SEMA3A: variants seen among roughly 807,000 people sequenced by gnomAD.
SEMA3A encodes semaphorin-3A.
SEMA3A carries 29 observed loss-of-function variants against 97.9 expected under a neutral mutation model. The ratio of observed to expected loss-of-function variants is 0.30; its 90% CI spans 0.22 to 0.40. The LOEUF is 0.40. Among genes scored for constraint, SEMA3A ranks in the 10% least tolerant of loss-of-function variants. The pLI, the probability that SEMA3A is intolerant of heterozygous loss-of-function variation, is 1.00. For synonymous variants in SEMA3A, 321 were observed against 323.7 expected (o/e 0.99, Z 0.09); for missense variants, 763 against 951.3 (o/e 0.80, Z 2.60).
intron 1 of SEMA3A, among the ~76,000 whole-genome samples, chr7:84,491,927 A>G (rs962541585): frequency 6.6e-6 from 1 of 151,984 alleles, no homozygotes; most frequent in African/African-American, 2.4e-5. Flanking sequence ...ACAACCTAAT[A>G]CTCTTTTAGA....
chr7:84,445,981 A>T (rs1349300562), intron 1 of SEMA3A, among the ~76,000 whole-genome samples: 1 of 152,136 alleles, frequency 6.6e-6, no homozygotes, highest in Non-Finnish European at 1.5e-5. Flanking sequence ...AAAAAATGAG[A>T]GAAGACTCAA....
intron 3 of SEMA3A, among the ~76,000 whole-genome samples, chr7:84,202,654 A>G (rs1374450381): frequency 1.3e-5 from 2 of 152,152 alleles, no homozygotes. Flanking sequence ...AAAACTGGTA[A>G]CCATTGAAAA....
intron 12 of SEMA3A, among the ~76,000 whole-genome samples, chr7:83,988,453 T>C (rs1789732706): frequency 6.6e-6 from 1 of 152,046 alleles, no homozygotes; most frequent in Admixed American, 6.6e-5. Context: ...ATGGTCTCGA[T>C]CTCCCGACCT....
intron 1 of SEMA3A, among the ~76,000 whole-genome samples, chr7:84,185,110 G>C (rs1797838778): frequency 1.3e-5 from 2 of 152,012 alleles, no homozygotes; most frequent in African/African-American, 4.8e-5. Context: ...AAAAATAACG[G>C]TATATGACTT....
At chr7:84,484,267 A>G (rs1806519502) in intron 1 of SEMA3A, among the ~76,000 whole-genome samples, 1 of 152,166 alleles carries the variant, frequency 6.6e-6, no homozygotes, top group South Asian at 2.1e-4. Context: ...TAGTGTTCTT[A>G]TAGTAGCAGA....
At chr7:84,305,833 G>C (rs1801140444) in intron 3 of SEMA3A, among the ~76,000 whole-genome samples, 2 of 151,766 alleles carry the variant, frequency 1.3e-5, no homozygotes, top group Admixed American at 6.6e-5. Flanking sequence ...ATGCACTCAT[G>C]AAAAATAACA....
At chr7:84,144,844 GA>G (rs1338164048) in intron 1 of SEMA3A, among the ~76,000 whole-genome samples, 1 of 152,044 alleles carries the variant, frequency 6.6e-6, no homozygotes, top group African/African-American at 2.4e-5. Context: ...AATCAAAAGA[GA>G]ACAGATATTA....
chr7:84,136,807 T>G (rs1208675900), intron 1 of SEMA3A, among the ~76,000 whole-genome samples: 1 of 152,044 alleles, frequency 6.6e-6, no homozygotes, highest in Non-Finnish European at 1.5e-5. Flanking sequence ...AGACAAAAAT[T>G]GTTAACAAAT....
intron 2 of SEMA3A, among the ~76,000 whole-genome samples, chr7:84,334,941 C>T (rs890270348): frequency 2.0e-5 from 3 of 151,444 alleles, no homozygotes; most frequent in African/African-American, 7.3e-5. Flanking sequence ...CTCATGCCCT[C>T]AAAAAAACAA....
intron 3 of SEMA3A, among the ~76,000 whole-genome samples, chr7:84,243,097 G>T (rs781506354): frequency 1.3e-5 from 2 of 152,136 alleles, no homozygotes; most frequent in Non-Finnish European, 2.9e-5. Context: ...AGGGATATTG[G>T]CCTGAAATTT....
At chr7:84,227,994 A>T (rs1367103120) in intron 3 of SEMA3A, among the ~76,000 whole-genome samples, 3 of 151,910 alleles carry the variant, frequency 2.0e-5, no homozygotes, top group Non-Finnish European at 2.9e-5. Context: ...TAATGAGATT[A>T]AAAAAATGAT....
At chr7:84,178,597 T>C (rs1247892199) in intron 1 of SEMA3A, among the ~76,000 whole-genome samples, 1 of 152,168 alleles carries the variant, frequency 6.6e-6, no homozygotes, top group African/African-American at 2.4e-5. Flanking sequence ...TTAATTACTA[T>C]ACTGATTACA....
At chr7:84,225,677 CTAG>C (rs569315671) in intron 3 of SEMA3A, among the ~76,000 whole-genome samples, 160 of 152,146 alleles carry the variant, frequency 1.1e-3, no homozygotes, top group African/African-American at 3.6e-3. Flanking sequence ...ATGTAAATTC[CTAG>C]GTCATCTCAC....
intron 6 of SEMA3A, among the ~76,000 whole-genome samples, chr7:84,038,073 G>A (rs1248172680): frequency 2.0e-5 from 3 of 152,034 alleles, no homozygotes; most frequent in African/African-American, 7.2e-5. Context: ...TTTTTGTCAT[G>A]TGTAAGTAAC....
chr7:84,115,397 T>TA (rs1795394050), intron 3 of SEMA3A, among the ~76,000 whole-genome samples: 1 of 151,922 alleles, frequency 6.6e-6, no homozygotes, highest in Non-Finnish European at 1.5e-5. Context: ...TTCAAGACTC[T>TA]ATAAACATTT....
At chr7:84,472,920 T>C (rs1419839587) in intron 1 of SEMA3A, among the ~76,000 whole-genome samples, 1 of 152,168 alleles carries the variant, frequency 6.6e-6, no homozygotes, top group Non-Finnish European at 1.5e-5. Flanking sequence ...ATACTGCTAT[T>C]AGTTTAGAGA....
intron 1 of SEMA3A, among the ~76,000 whole-genome samples, chr7:84,421,667 T>C (rs1291291940): frequency 6.6e-6 from 1 of 152,046 alleles, no homozygotes; most frequent in African/African-American, 2.4e-5. Flanking sequence ...CATAAATAGC[T>C]CTTATTATTT....
intron 1 of SEMA3A, among the ~76,000 whole-genome samples, chr7:84,395,144 T>C (rs1415523078): frequency 1.3e-5 from 2 of 152,178 alleles, no homozygotes; most frequent in East Asian, 3.9e-4. Context: ...ATGTCACTAG[T>C]ATTGTATGAG....
At chr7:84,391,752 G>A (rs568176747) in intron 1 of SEMA3A, among the ~76,000 whole-genome samples, 7 of 152,124 alleles carry the variant, frequency 4.6e-5, no homozygotes, top group African/African-American at 1.2e-4. Flanking sequence ...TGGGAAGATT[G>A]CTGAGTCCAG....
Sources: allele counts gnomAD v4.1 joint callset (sites outside exome capture counted in the v4.1 genomes callset), GRCh38; gene constraint gnomAD v4.1.1; transcripts MANE v1.5; gene names NCBI Gene and HGNC (gene_info 2026-07-23, HGNC 2026-07-21).